TRIP12: variants seen among roughly 807,000 people sequenced by gnomAD.
The protein encoded by TRIP12 is thyroid hormone receptor interactor 12.
Under a neutral mutation model 244.2 loss-of-function variants are expected in TRIP12, and 25 were observed. The ratio of observed to expected loss-of-function variants is 0.10; its 90% confidence interval spans 0.07 to 0.14. The LOEUF (loss-of-function observed/expected upper bound fraction) is 0.14, where lower values mean the gene tolerates loss of function less well. Among genes scored for constraint, TRIP12 ranks in the 10% least tolerant of loss-of-function variants. TRIP12 has a pLI of 1.00. For missense variants in TRIP12, 1,677 were observed against 2,486.4 expected, an observed-to-expected ratio of 0.67 and a Z score of 6.92; for synonymous variants, 905 against 873.1, an observed-to-expected ratio of 1.04 and a Z score of -0.64.
At chr2:229,880,179 T>C in intron 1 of TRIP12, 51 bp from the exon 2 acceptor site, 8 of 1,170,898 alleles carry the variant, frequency 6.8e-6, no homozygotes, top group Non-Finnish European at 9.8e-6. Flanking sequence ...AAATACAATA[T>C]GGAAAAGAAA....
chr2:229,843,029 T>G (rs929723490), intron 4 of TRIP12, among the ~76,000 whole-genome samples: 1 of 151,834 alleles, frequency 6.6e-6, no homozygotes, highest in Non-Finnish European at 1.5e-5. Context: ...CCCTTGTAGG[T>G]AATTCTCTCT....
At chr2:229,905,880 C>T (rs1478142103) in intron 1 of TRIP12, among the ~76,000 whole-genome samples, 3 of 152,122 alleles carry the variant, frequency 2.0e-5, no homozygotes, top group African/African-American at 7.2e-5. Context: ...CCAATGAGGG[C>T]CTTAAGGCTA....
intron 1 of TRIP12, 34 bp from the exon 2 acceptor site, chr2:229,880,162 A>C (rs1292412766): frequency 2.4e-6 from 3 of 1,276,426 alleles, no homozygotes; most frequent in Non-Finnish European, 3.3e-6. Context: ...AATTTATCAG[A>C]TGTACAAAAT....
In TRIP12 at chr2:229,792,239, G is replaced by A. The variant is rs1398213826; in HGVS notation, c.4142-13C>T. ...ACTCTTCCATACCCTGAAGACCCAA[G>A]TAGACTTTTAAACTCTTAGCGATTT... On this transcript the variant is annotated splice_polypyrimidine_tract_variant and intron_variant, in intron 27 of 41. Coordinates refer to ENST00000675903, the MANE Select transcript of TRIP12 (RefSeq NM_001348323.3). 1 of 1,611,760 alleles carries A rather than the reference G, an allele frequency of 6.2e-7. No individual in the cohort carries two copies. Among genetic ancestry groups the A allele is most frequent in the Admixed American group, 1.7e-5 (1 of 59,736 alleles).
intron 1 of TRIP12, among the ~76,000 whole-genome samples, chr2:229,896,459 G>A (rs2068852963): frequency 6.6e-6 from 1 of 152,000 alleles, no homozygotes; most frequent in African/African-American, 2.4e-5. Context: ...CCAACATGGT[G>A]AAACCCCGTT....
rs774795227 is a variant in TRIP12 at position 229,860,934 on chromosome 2, C to A, written c.99-403G>T. ...TGACTGTAATGGCTTTAAAAGTTTA[C>A]GGAAAAGACAATTGATGATTCCCAC... On this transcript the variant is annotated intron_variant, in intron 2 of 41. Coordinates refer to ENST00000675903, the MANE Select transcript of TRIP12 (RefSeq NM_001348323.3). Among the ~76,000 whole-genome samples, 3 of 152,036 alleles carry A rather than the reference C, an allele frequency of 2.0e-5. No homozygotes were observed. In the South Asian group the frequency reaches 6.2e-4, roughly 32 times the overall value.
chr2:229,877,606 T>G lies in TRIP12; in HGVS notation c.98+2376A>C, dbSNP rs570907018. 3.3e-5 allele frequency among the ~76,000 whole-genome samples: 5 copies of G among 152,302 alleles called. No individual in the cohort carries two copies. The East Asian group carries it at 7.7e-4, about 24-fold the overall frequency. On this transcript the variant is annotated intron_variant, in intron 2 of 41. Coordinates refer to ENST00000675903, the MANE Select transcript of TRIP12 (RefSeq NM_001348323.3). ...AGAAAAAATGACCATGCTGAAACAC[T>G]GTGGATTTTAGAAGCAATGCGCTGT...
chr2:229,906,274 C>A (rs546107854), intron 1 of TRIP12, among the ~76,000 whole-genome samples: 20 of 147,634 alleles, frequency 1.4e-4, no homozygotes, highest in African/African-American at 5.0e-4. Flanking sequence ...CCACTGCACT[C>A]CAACCTGGCT....
intron 37 of TRIP12, among the ~76,000 whole-genome samples, chr2:229,776,696 T>C (rs2036362245): frequency 6.6e-6 from 1 of 152,098 alleles, no homozygotes; most frequent in African/African-American, 2.4e-5. Flanking sequence ...TTTGGGTCTG[T>C]GCCACAAAAA....
At chr2:229,839,574 G>A (rs544547960) in intron 5 of TRIP12, among the ~76,000 whole-genome samples, 1 of 152,130 alleles carries the variant, frequency 6.6e-6, no homozygotes, top group East Asian at 1.9e-4. Context: ...AGCTACTCGG[G>A]AGGCCGAGGC....
At chr2:229,830,104 G>A (rs2052919485) in intron 7 of TRIP12, among the ~76,000 whole-genome samples, 1 of 152,006 alleles carries the variant, frequency 6.6e-6, no homozygotes, top group Non-Finnish European at 1.5e-5. Context: ...AATCAAATGA[G>A]ATAAAAATAC....
At chr2:229,831,772 G>T (rs2053456291) in intron 6 of TRIP12, among the ~76,000 whole-genome samples, 1 of 151,578 alleles carries the variant, frequency 6.6e-6, no homozygotes, top group African/African-American at 2.4e-5. Context: ...GCTAATGGAG[G>T]TAGAGTCTAT....
At chr2:229,794,494 A>G (rs1167769054) in intron 26 of TRIP12, among the ~76,000 whole-genome samples, 1 of 152,104 alleles carries the variant, frequency 6.6e-6, no homozygotes, top group African/African-American at 2.4e-5. Flanking sequence ...TTCAGCCAGG[A>G]GGTCAAGGCT....
chr2:229,796,160 C>A (rs957837830), intron 25 of TRIP12, among the ~76,000 whole-genome samples: 1 of 152,162 alleles, frequency 6.6e-6, no homozygotes, highest in Admixed American at 6.5e-5. Context: ...GGTCATTAAG[C>A]GCCCTTGATT....
intron 1 of TRIP12, among the ~76,000 whole-genome samples, chr2:229,899,171 T>C (rs1230899891): frequency 6.6e-6 from 1 of 152,110 alleles, no homozygotes; most frequent in East Asian, 1.9e-4. Context: ...TCCAGGCCTG[T>C]CTCGAACTCC....
At chr2:229,786,997 G>A (rs980124100) in intron 33 of TRIP12, among the ~76,000 whole-genome samples, 8 of 152,220 alleles carry the variant, frequency 5.3e-5, no homozygotes, top group African/African-American at 1.9e-4. Context: ...AGCCACAAAT[G>A]TGGAGCCAAG....
chr2:229,897,265 A>G, intron 1 of TRIP12, among the ~76,000 whole-genome samples: 1 of 152,358 alleles, frequency 6.6e-6, no homozygotes, highest in Non-Finnish European at 1.5e-5. Flanking sequence ...ACAAGGCCTA[A>G]TATTACATAT....
At chr2:229,847,473 C>G (rs2057799445) in intron 4 of TRIP12, among the ~76,000 whole-genome samples, 1 of 152,182 alleles carries the variant, frequency 6.6e-6, no homozygotes, top group African/African-American at 2.4e-5. Flanking sequence ...TCTGTCTCCA[C>G]ATGAAATGCC....
intron 1 of TRIP12, 106 bp from the exon 2 acceptor site, chr2:229,880,234 G>C: frequency 1.5e-6 from 1 of 682,322 alleles, no homozygotes; most frequent in Non-Finnish European, 2.5e-6. Context: ...CAAACTATCT[G>C]ATTTTACAGC....
Sources: gnomAD v4.1 joint callset for allele counts (sites outside exome capture counted in the v4.1 genomes callset) on GRCh38, gnomAD v4.1.1 for gene constraint, MANE v1.5 for transcripts, NCBI Gene and HGNC (gene_info 2026-07-23, HGNC 2026-07-21) for gene names.